HDAC9: variants seen among roughly 807,000 people sequenced by gnomAD.
The protein encoded by HDAC9 is MEF-2 interacting transcription repressor (MITR) protein.
A neutral mutation model predicts 139.4 loss-of-function variants in HDAC9; 41 were observed. That is an observed-to-expected ratio of 0.29 (90% CI 0.23 to 0.38). The LOEUF is 0.38. Among genes scored for constraint, HDAC9 ranks in the 10% least tolerant of loss-of-function variants. The pLI, the probability that HDAC9 is intolerant of heterozygous loss-of-function variation, is 1.00. For synonymous variants in HDAC9, 517 were observed against 476.2 expected (o/e 1.09, Z -1.12); for missense variants, 1,147 against 1,297.0 (o/e 0.88, Z 1.78).
At position 18,647,809 on chromosome 7, in the gene HDAC9, C is replaced by G; in HGVS notation, c.1060C>G (p.Gln354Glu). 2 of 1,610,668 alleles carry G rather than the reference C, an allele frequency of 1.2e-6. No homozygotes were observed. Among genetic ancestry groups the G allele is most frequent in the Non-Finnish European group, 1.7e-6 (2 of 1,178,366 alleles). ...GGCTTCGAATTCACTCAAAGAAAAGCAGAAGTGTGAGACGCAGACGCTTAG... is the reference window on the plus strand; with the variant it reads ...GGCTTCGAATTCACTCAAAGAAAAGGAGAAGTGTGAGACGCAGACGCTTAG... Reference protein sequence around the residue: ...LNASNSLKEKQKCETQTLRQG... With the variant: ...LNASNSLKEKEKCETQTLRQG... Residue 354 changes from glutamine (Q) to glutamate (E), a missense_variant, in exon 10 of 26, where the codon CAG (glutamine) becomes GAG (glutamate). By Grantham distance (29) the Gln-to-Glu change is conservative. Around this residue, in one of 7 missense-constraint regions of HDAC9, gnomAD observed 264 missense variants for 273.8 expected, o/e 0.96. Coordinates refer to ENST00000686413, the MANE Select transcript of HDAC9 (RefSeq NM_178425.4).
intron 1 of HDAC9, among the ~76,000 whole-genome samples, chr7:18,436,455 A>T (rs545632137): frequency 6.6e-6 from 1 of 152,282 alleles, no homozygotes; most frequent in South Asian, 2.1e-4. Flanking sequence ...TAAAAAATCC[A>T]TATGTGGTTT....
At chr7:18,611,514 G>A (rs182559991) in intron 6 of HDAC9, among the ~76,000 whole-genome samples, 20 of 152,126 alleles carry the variant, frequency 1.3e-4, no homozygotes, top group Non-Finnish European at 2.4e-4. Context: ...TGAGAGAACC[G>A]TCACAGAGAG....
At chr7:18,542,942 G>A (rs1813492878) in intron 2 of HDAC9, among the ~76,000 whole-genome samples, 1 of 152,208 alleles carries the variant, frequency 6.6e-6, no homozygotes, top group Admixed American at 6.5e-5. Context: ...TGAAGAAATA[G>A]CTCATGGTAT....
chr7:18,483,114 AGAG>A (rs1353349469), intron 1 of HDAC9, among the ~76,000 whole-genome samples: 88 of 152,346 alleles, frequency 5.8e-4, no homozygotes, highest in African/African-American at 2.0e-3. Flanking sequence ...CAAAGAAAGA[AGAG>A]AGATGCAGAA....
intron 2 of HDAC9, among the ~76,000 whole-genome samples, chr7:18,234,186 G>A (rs554141004): frequency 1.3e-5 from 2 of 152,300 alleles, no homozygotes; most frequent in East Asian, 3.9e-4. Context: ...CAGAGTGCTG[G>A]TAATTAAGCC....
At chr7:18,570,172 T>G (rs1414268240) in intron 2 of HDAC9, among the ~76,000 whole-genome samples, 1 of 151,900 alleles carries the variant, frequency 6.6e-6, no homozygotes, top group East Asian at 1.9e-4. Flanking sequence ...ATAGTGAATT[T>G]AAGAAAAACA....
chr7:18,913,800 G>T (rs991874577), intron 22 of HDAC9, among the ~76,000 whole-genome samples: 1 of 151,966 alleles, frequency 6.6e-6, no homozygotes, highest in Non-Finnish European at 1.5e-5. Context: ...AAGCATCCAC[G>T]ATTCAATATA....
intron 12 of HDAC9, among the ~76,000 whole-genome samples, chr7:18,683,154 C>T (rs1464702059): frequency 3.3e-5 from 5 of 151,818 alleles, no homozygotes; most frequent in African/African-American, 9.7e-5. Context: ...AGTAATTGTG[C>T]AATTTCAAAT....
At chr7:18,181,295 C>T (rs992975214) in intron 2 of HDAC9, among the ~76,000 whole-genome samples, 1 of 152,152 alleles carries the variant, frequency 6.6e-6, no homozygotes, top group African/African-American at 2.4e-5. Flanking sequence ...TAATATGTGC[C>T]AGACACTGTT....
chr7:18,788,753 T>TAA (rs5882674), intron 16 of HDAC9, among the ~76,000 whole-genome samples: 124 of 135,668 alleles, frequency 9.1e-4, no homozygotes, highest in Middle Eastern at 7.4e-3. Flanking sequence ...AGACTCTGTT[T>TAA]AAAAAAAAAA....
intron 6 of HDAC9, among the ~76,000 whole-genome samples, chr7:18,625,012 T>C (rs1472505325): frequency 6.6e-6 from 1 of 152,102 alleles, no homozygotes; most frequent in African/African-American, 2.4e-5. Context: ...TTACAGTATG[T>C]CAGAGATTCC....
At chr7:18,519,908 T>G (rs1176740886) in intron 2 of HDAC9, among the ~76,000 whole-genome samples, 1 of 152,120 alleles carries the variant, frequency 6.6e-6, no homozygotes, top group Non-Finnish European at 1.5e-5. Context: ...AAGTAATGTC[T>G]GAAGATATTA....
chr7:18,895,245 C>G (rs1194451976), intron 22 of HDAC9, among the ~76,000 whole-genome samples: 3 of 152,088 alleles, frequency 2.0e-5, no homozygotes, highest in Non-Finnish European at 4.4e-5. Flanking sequence ...AGGCAGAGAG[C>G]TGGATGTAAC....
chr7:18,199,754 CA>C (rs59883693), intron 2 of HDAC9, among the ~76,000 whole-genome samples: 14,324 of 55,946 alleles, frequency 0.26, 389 homozygotes, highest in Non-Finnish European at 0.29. Flanking sequence ...ATGTGTCTAC[CA>C]AAAAAAAAAA....
At chr7:18,879,485 T>C (rs569729192) in intron 22 of HDAC9, among the ~76,000 whole-genome samples, 42 of 152,060 alleles carry the variant, frequency 2.8e-4, no homozygotes, top group African/African-American at 9.2e-4. Flanking sequence ...TGGAACAGAA[T>C]AGAGAACCCA....
At chr7:18,842,676 T>C (rs1312232068) in intron 21 of HDAC9, among the ~76,000 whole-genome samples, 2 of 152,120 alleles carry the variant, frequency 1.3e-5, no homozygotes, top group Non-Finnish European at 2.9e-5. Flanking sequence ...AAATATAGTT[T>C]AAGGACATTT....
chr7:18,990,332 T>A (rs1785781432), intron 25 of HDAC9, among the ~76,000 whole-genome samples: 1 of 151,416 alleles, frequency 6.6e-6, no homozygotes, highest in Non-Finnish European at 1.5e-5. Flanking sequence ...GTGCCCCTGC[T>A]GAGGGGTGCC....
intron 2 of HDAC9, among the ~76,000 whole-genome samples, chr7:18,564,999 AT>A (rs1457803318): frequency 7.9e-5 from 11 of 139,660 alleles, no homozygotes; most frequent in Non-Finnish European, 1.6e-5. Context: ...TTATTTATTT[AT>A]TTATTTATTA....
chr7:18,878,076 T>C (rs1427005970), intron 22 of HDAC9, among the ~76,000 whole-genome samples: 2 of 152,298 alleles, frequency 1.3e-5, no homozygotes, highest in East Asian at 3.9e-4. Context: ...CAGATATAGT[T>C]GTCTTCAGGT....
Sources: allele counts gnomAD v4.1 joint callset (sites outside exome capture counted in the v4.1 genomes callset), GRCh38; gene constraint gnomAD v4.1.1; regional missense constraint gnomAD v4.1.1; transcripts MANE v1.5; gene names NCBI Gene and HGNC (gene_info 2026-07-23, HGNC 2026-07-21).